Variants in LHFPL3 observed in about 807,000 individuals in gnomAD.
LHFPL3 encodes LHFPL tetraspan subfamily member 3, also known as LHFPL tetraspan subfamily member 3 protein.
A neutral mutation model predicts 19.3 loss-of-function variants in LHFPL3; 5 were observed. The ratio of observed to expected loss-of-function variants is 0.26; its 90% CI spans 0.14 to 0.54. The LOEUF (loss-of-function observed/expected upper bound fraction) is 0.54. LHFPL3 is among the 20% of genes least tolerant of loss of function. The pLI is 0.94. For synonymous variants in LHFPL3, 133 were observed against 126.2 expected (o/e 1.05, Z -0.36); for missense variants, 249 against 307.4 (o/e 0.81, Z 1.42).
At chr7:104,550,813 G>T (rs898110387) in intron 1 of LHFPL3, among the ~76,000 whole-genome samples, 1 of 152,144 alleles carries the variant, frequency 6.6e-6, no homozygotes, top group Non-Finnish European at 1.5e-5. Context: ...TAAACAGTGA[G>T]AAATTATTCT....
At chr7:104,888,950 G>T (rs10280365) in intron 2 of LHFPL3, among the ~76,000 whole-genome samples, 10,168 of 152,222 alleles carry the variant, frequency 0.067, 859 homozygotes, top group East Asian at 0.44. Context: ...GGAAGGAAAA[G>T]AAGTTACATG....
intron 2 of LHFPL3, among the ~76,000 whole-genome samples, chr7:104,903,806 C>G (rs1792541966): frequency 6.6e-6 from 1 of 152,084 alleles, no homozygotes; most frequent in Admixed American, 6.6e-5. Context: ...TGTATATGTA[C>G]CACATTTTCT....
chr7:104,790,658 C>T (rs986860912), intron 2 of LHFPL3, among the ~76,000 whole-genome samples: 1 of 152,134 alleles, frequency 6.6e-6, no homozygotes, highest in African/African-American at 2.4e-5. Flanking sequence ...CCAAGCCCAT[C>T]GTCTAGAATT....
At chr7:104,772,497 G>A (rs186897898) in intron 2 of LHFPL3, among the ~76,000 whole-genome samples, 21 of 152,180 alleles carry the variant, frequency 1.4e-4, no homozygotes, top group Admixed American at 7.8e-4. Flanking sequence ...CAAGGACACC[G>A]GATCCTACAC....
chr7:104,579,454 C>A (rs1790413445), intron 1 of LHFPL3, among the ~76,000 whole-genome samples: 2 of 152,090 alleles, frequency 1.3e-5, no homozygotes, highest in East Asian at 1.9e-4. Context: ...AGAATAATGG[C>A]CCACACCTCT....
chr7:104,851,301 C>T (rs1791410820), intron 2 of LHFPL3, among the ~76,000 whole-genome samples: 1 of 152,170 alleles, frequency 6.6e-6, no homozygotes, highest in African/African-American at 2.4e-5. Context: ...GTTTTCTGAG[C>T]ATGGGGATAC....
At chr7:104,532,425 T>C (rs1252441199) in intron 1 of LHFPL3, among the ~76,000 whole-genome samples, 1 of 144,886 alleles carries the variant, frequency 6.9e-6, no homozygotes. Flanking sequence ...CTTCCCAAAG[T>C]GTTGGGGTTA....
At chr7:104,573,207 G>A (rs1395774088) in intron 1 of LHFPL3, among the ~76,000 whole-genome samples, 1 of 152,156 alleles carries the variant, frequency 6.6e-6, no homozygotes, top group South Asian at 2.1e-4. Context: ...GAGGTCAGGA[G>A]TGCAAGACCA....
chr7:104,888,219 A>G (rs557437948), intron 2 of LHFPL3, among the ~76,000 whole-genome samples: 1 of 152,314 alleles, frequency 6.6e-6, no homozygotes, highest in African/African-American at 2.4e-5. Context: ...AACAATAAAC[A>G]TTCTAATTAT....
chr7:104,818,868 CTA>C (rs1327717419), intron 2 of LHFPL3, among the ~76,000 whole-genome samples: 1 of 151,808 alleles, frequency 6.6e-6, no homozygotes, highest in African/African-American at 2.4e-5. Flanking sequence ...TAATCTTTAA[CTA>C]TTTGCTTGTT....
intron 2 of LHFPL3, among the ~76,000 whole-genome samples, chr7:104,794,397 A>G (rs1790078204): frequency 6.6e-6 from 1 of 152,200 alleles, no homozygotes; most frequent in Non-Finnish European, 1.5e-5. Flanking sequence ...ATGAACTGAA[A>G]GCTATATAAA....
intron 2 of LHFPL3, among the ~76,000 whole-genome samples, chr7:104,749,338 A>G (rs1482373425): frequency 5.3e-5 from 8 of 152,294 alleles, no homozygotes; most frequent in Non-Finnish European, 7.4e-5. Context: ...AATGAATAAT[A>G]TAACAGTCTG....
chr7:104,817,880 G>A (rs1160311222), intron 2 of LHFPL3, among the ~76,000 whole-genome samples: 11 of 152,218 alleles, frequency 7.2e-5, no homozygotes, highest in African/African-American at 1.4e-4. Context: ...ACACTATTCC[G>A]ATACCTAGCA....
intron 1 of LHFPL3, among the ~76,000 whole-genome samples, chr7:104,539,995 G>A (rs1794454993): frequency 6.6e-6 from 1 of 152,096 alleles, no homozygotes; most frequent in Non-Finnish European, 1.5e-5. Flanking sequence ...TTATAGGAAT[G>A]GGGAAATCAT....
At chr7:104,555,830 C>A (rs1463551863) in intron 1 of LHFPL3, among the ~76,000 whole-genome samples, 1 of 152,190 alleles carries the variant, frequency 6.6e-6, no homozygotes, top group Non-Finnish European at 1.5e-5. Flanking sequence ...CCTGTAAAAT[C>A]AAAACCAAGT....
chr7:104,762,302 T>G (rs1454132299), intron 2 of LHFPL3, among the ~76,000 whole-genome samples: 1 of 151,980 alleles, frequency 6.6e-6, no homozygotes, highest in Non-Finnish European at 1.5e-5. Context: ...GACAATAATG[T>G]GACAAATAAC....
chr7:104,727,666 A>G (rs1325070037), intron 1 of LHFPL3, among the ~76,000 whole-genome samples: 1 of 152,166 alleles, frequency 6.6e-6, no homozygotes, highest in Non-Finnish European at 1.5e-5. Context: ...AGGATATTGC[A>G]TTTGGCTTGA....
chr7:104,529,567 C>A (rs142349783), intron 1 of LHFPL3, among the ~76,000 whole-genome samples: 9 of 152,270 alleles, frequency 5.9e-5, no homozygotes, highest in African/African-American at 1.9e-4. Context: ...CAAATATTGG[C>A]CATAACACCT....
At chr7:104,753,844 A>G (rs1038509846) in intron 2 of LHFPL3, among the ~76,000 whole-genome samples, 1 of 152,270 alleles carries the variant, frequency 6.6e-6, no homozygotes, top group Non-Finnish European at 1.5e-5. Context: ...ACAGTGAGTT[A>G]TCGGTTTGCA....
Sources: allele counts gnomAD v4.1 joint callset (sites outside exome capture counted in the v4.1 genomes callset), GRCh38; gene constraint gnomAD v4.1.1; transcripts MANE v1.5; gene names NCBI Gene and HGNC (gene_info 2026-07-23, HGNC 2026-07-21).